The following IFT74 variants were observed in gnomAD, a reference collection of about 807,000 sequenced individuals.
IFT74 encodes intraflagellar transport 74.
A neutral mutation model predicts 96.7 loss-of-function variants in IFT74; 92 were observed. The ratio of observed to expected loss-of-function variants is 0.95; its 90% confidence interval spans 0.80 to 1.13. IFT74 has a LOEUF of 1.13. IFT74 is among the 50% of genes most tolerant of loss of function. The pLI is 0.00. For synonymous variants in IFT74, 223 were observed against 213.2 expected (o/e 1.05, Z -0.40); for missense variants, 811 against 698.2 (o/e 1.16, Z -1.82).
At chr9:27,057,339 A>G (rs1820212695) in intron 18 of IFT74, among the ~76,000 whole-genome samples, 1 of 152,064 alleles carries the variant, frequency 6.6e-6, no homozygotes, top group South Asian at 2.1e-4. Context: ...GAGAGCTCTG[A>G]CGGGACAGAG....
intron 18 of IFT74, among the ~76,000 whole-genome samples, chr9:27,057,719 G>A (rs10967685): frequency 0.2 from 30,160 of 151,904 alleles, 3,955 homozygotes; most frequent in East Asian, 0.69. Context: ...TTAGCCAGGA[G>A]TGGTGGCGGG....
intron 8 of IFT74, chr9:26,998,306 C>T: frequency 2.0e-6 from 2 of 989,444 alleles, no homozygotes; most frequent in Non-Finnish European, 2.8e-6. Flanking sequence ...CACCAAATTT[C>T]ATATTTAAGC....
In IFT74 at chr9:27,064,971, A is replaced by T. The variant is rs964050263; in HGVS notation, c.*2235A>T. On this transcript the variant is annotated 3_prime_UTR_variant, in exon 20 of 20. Transcript: ENST00000380062. ...TTCAAATAAAGTACTATATGCAGTT[A>T]CTACTTTAACTGACAGAAAGGATGT... 6.6e-5 allele frequency among the ~76,000 whole-genome samples: 10 copies of T among 152,170 alleles called. No homozygotes were observed. Among genetic ancestry groups the T allele is most frequent in the Non-Finnish European group, 1.0e-4 (7 of 68,000 alleles).
At chr9:27,047,458 C>T in intron 15 of IFT74, 87 bp downstream of exon 15, 1 of 683,532 alleles carries the variant, frequency 1.5e-6, no homozygotes, top group East Asian at 3.0e-5. Context: ...GAACGGCTCA[C>T]TATTGTATCT....
chr9:27,046,315 T>C (rs1819701469), intron 14 of IFT74, among the ~76,000 whole-genome samples: 1 of 152,206 alleles, frequency 6.6e-6, no homozygotes, highest in South Asian at 2.1e-4. Flanking sequence ...AAATGTTTTG[T>C]TGAAGACTGT....
intron 15 of IFT74, among the ~76,000 whole-genome samples, chr9:27,047,806 A>C (rs1819757315): frequency 1.3e-5 from 2 of 152,192 alleles, no homozygotes; most frequent in Admixed American, 1.3e-4. Context: ...TCAAATTATC[A>C]AAAAATGTTT....
intron 16 of IFT74, among the ~76,000 whole-genome samples, chr9:27,049,134 T>A (rs1379774686): frequency 6.6e-6 from 1 of 152,144 alleles, no homozygotes; most frequent in Non-Finnish European, 1.5e-5. Flanking sequence ...ATTGTAAGCT[T>A]CCTGAGGCCC....
intron 1 of IFT74, among the ~76,000 whole-genome samples, chr9:26,947,643 A>G (rs1378720670): frequency 6.6e-6 from 1 of 152,136 alleles, no homozygotes; most frequent in African/African-American, 2.4e-5. Flanking sequence ...TTTCCCTGAG[A>G]ATCTCGAGGT....
rs113856866 is a variant in IFT74, at chr9:27,053,280, A to T, written c.1334-2329A>T. Among the ~76,000 whole-genome samples the T allele has an allele frequency of 5.6e-3, 841 of 150,462 alleles. 6 individuals carry two copies. Among genetic ancestry groups the T allele is most frequent in the African/African-American group, 0.02 (806 of 40,870 alleles). ...CACCATACCTAAATGGCTACACACCACATGGGTGATGTAAAAATTTCAGGG... is the reference window on the plus strand; with the variant it reads ...CACCATACCTAAATGGCTACACACCTCATGGGTGATGTAAAAATTTCAGGG... On this transcript the variant is annotated intron_variant, in intron 16 of 19. Transcript: ENST00000380062.
chr9:27,023,844 G>C (rs1265884882), intron 12 of IFT74, among the ~76,000 whole-genome samples: 1 of 152,162 alleles, frequency 6.6e-6, no homozygotes, highest in African/African-American at 2.4e-5. Flanking sequence ...TCTGAGCTGA[G>C]ACACGCCTAA....
intron 8 of IFT74, among the ~76,000 whole-genome samples, chr9:27,000,852 A>C (rs1482484585): frequency 6.6e-6 from 1 of 152,178 alleles, no homozygotes; most frequent in Non-Finnish European, 1.5e-5. Context: ...TGAAGGAAAA[A>C]AATTACTGTA....
chr9:26,961,659 G>A (rs1826364815), intron 1 of IFT74, among the ~76,000 whole-genome samples: 1 of 152,160 alleles, frequency 6.6e-6, no homozygotes, highest in African/African-American at 2.4e-5. Flanking sequence ...GCTATGATGG[G>A]AGAGAAAATT....
chr9:27,035,245 C>T (rs1208467002), intron 13 of IFT74, among the ~76,000 whole-genome samples: 4 of 152,132 alleles, frequency 2.6e-5, no homozygotes, highest in Non-Finnish European at 5.9e-5. Flanking sequence ...AGTATTTTCC[C>T]GTCAGTATTT....
intron 12 of IFT74, among the ~76,000 whole-genome samples, chr9:27,026,712 T>C (rs1006312221): frequency 9.2e-5 from 14 of 152,156 alleles, no homozygotes; most frequent in African/African-American, 3.4e-4. Context: ...AATAATTTGC[T>C]CCTGAATGAT....
intron 12 of IFT74, 70 bp downstream of exon 12, chr9:27,018,757 G>T: frequency 1.1e-6 from 1 of 918,738 alleles, no homozygotes; most frequent in Non-Finnish European, 1.6e-6. Flanking sequence ...AAAGGTACAG[G>T]AGTGGCTTTC....
chr9:27,029,036 C>G lies in IFT74; in HGVS notation c.986C>G (p.Thr329Arg), dbSNP rs778863415. Residue 329 changes from threonine (T) to arginine (R), a missense_variant, in exon 13 of 20, where the codon ACA (threonine) becomes AGA (arginine). By Grantham distance (71) the Thr-to-Arg change is moderately conservative. Coordinates refer to ENST00000380062, the MANE Select transcript of IFT74 (RefSeq NM_025103.4). Reference protein sequence around the residue: ...IASMERQLTDTKEKINQFIEE... With the variant: ...IASMERQLTDRKEKINQFIEE... ...AATATTTTCAACAGGTTAACAGATA[C>G]AAAAGAAAAGATAAATCAGTTTATT... The G allele has an allele frequency of 5.6e-6, 9 of 1,596,106 alleles. No homozygotes were observed. In the East Asian group the frequency reaches 9.0e-5, roughly 16 times the overall value.
In IFT74 at chr9:27,007,117, A is replaced by G. The variant is rs190010812; in HGVS notation, c.588-1903A>G. Among the ~76,000 whole-genome samples the G allele has an allele frequency of 5.3e-3, 805 of 152,164 alleles. 6 individuals carry two copies. Among genetic ancestry groups the G allele is most frequent in the African/African-American group, 0.019 (771 of 41,528 alleles). On this transcript the variant is annotated intron_variant, in intron 8 of 19. Transcript: ENST00000380062. ...CTCCTAAAGTGCTGGGATTACAGGC[A>G]TGAGCCACCATGCCCAGCCTGTTTA...
At chr9:27,056,743 T>C (rs1438653415) in intron 18 of IFT74, among the ~76,000 whole-genome samples, 1 of 151,982 alleles carries the variant, frequency 6.6e-6, no homozygotes, top group African/African-American at 2.4e-5. Context: ...ACATTACTAA[T>C]ACAGAAACTA....
chr9:26,949,295 TGAA>T (rs1328839357), intron 1 of IFT74, among the ~76,000 whole-genome samples: 1 of 152,210 alleles, frequency 6.6e-6, no homozygotes, highest in African/African-American at 2.4e-5. Flanking sequence ...ATTTCACACA[TGAA>T]GAATTTGCCT....
Sources: allele counts gnomAD v4.1 joint callset (sites outside exome capture counted in the v4.1 genomes callset), GRCh38; gene constraint gnomAD v4.1.1; transcripts MANE v1.5; gene names NCBI Gene and HGNC (gene_info 2026-07-23, HGNC 2026-07-21).